R3HDM1: variants seen among roughly 807,000 people sequenced by gnomAD.
The protein encoded by R3HDM1 is R3H domain-containing protein 1.
R3HDM1 carries 46 observed loss-of-function variants against 141.1 expected under a neutral mutation model. The observed-to-expected ratio is 0.33, with a 90% CI of 0.26 to 0.42. R3HDM1 has a LOEUF of 0.42. Ranked by LOEUF, R3HDM1 falls within the 10% of genes least tolerant of loss-of-function variation. R3HDM1 has a pLI of 1.00. For synonymous variants in R3HDM1, 435 were observed against 472.9 expected (o/e 0.92, Z 1.04); for missense variants, 1,184 against 1,368.3 (o/e 0.87, Z 2.12).
chr2:135,686,629 C>T (rs976670696), intron 21 of R3HDM1, among the ~76,000 whole-genome samples: 2 of 152,172 alleles, frequency 1.3e-5, no homozygotes, highest in Admixed American at 1.3e-4. Context: ...CTAGTCTACT[C>T]AGGAAACTGA....
At chr2:135,676,152 C>G (rs183254484) in intron 20 of R3HDM1, among the ~76,000 whole-genome samples, 4 of 151,644 alleles carry the variant, frequency 2.6e-5, no homozygotes, top group African/African-American at 9.7e-5. Context: ...ATTGTGAAAC[C>G]CTGTTTCTAC....
intron 1 of R3HDM1, among the ~76,000 whole-genome samples, chr2:135,537,977 A>T (rs1035898571): frequency 7.9e-5 from 12 of 152,204 alleles, no homozygotes; most frequent in African/African-American, 1.9e-4. Context: ...ATGCTGCCTT[A>T]AAAAAGGAAC....
chr2:135,695,061 C>A (rs1039474341), intron 21 of R3HDM1, among the ~76,000 whole-genome samples: 6 of 152,106 alleles, frequency 3.9e-5, no homozygotes, highest in Non-Finnish European at 8.8e-5. Flanking sequence ...TGCCCGCCCC[C>A]CAAAAGCATT....
At chr2:135,569,626 A>G (rs917993216) in intron 1 of R3HDM1, among the ~76,000 whole-genome samples, 48 of 152,194 alleles carry the variant, frequency 3.2e-4, no homozygotes, top group African/African-American at 9.6e-4. Flanking sequence ...TAGTTAACCT[A>G]TCTGTCTCAG....
intron 1 of R3HDM1, among the ~76,000 whole-genome samples, chr2:135,537,301 T>C (rs897350915): frequency 3.5e-5 from 5 of 143,346 alleles, no homozygotes; most frequent in South Asian, 2.2e-4. Context: ...TTTTTTTTTT[T>C]TTGAGATGAA....
intron 19 of R3HDM1, chr2:135,670,362 A>G (rs2068156408): frequency 1.0e-6 from 1 of 980,654 alleles, no homozygotes; most frequent in South Asian, 4.7e-5. Context: ...TTAGCTACTC[A>G]ACACATGCCT....
chr2:135,581,372 T>C (rs2105029740), intron 1 of R3HDM1: 2 of 985,104 alleles, frequency 2.0e-6, no homozygotes, highest in African/African-American at 3.5e-5. Context: ...TCACTTTACC[T>C]TTAACGGTCT....
chr2:135,577,312 G>A (rs978491864), intron 1 of R3HDM1: 2 of 654,766 alleles, frequency 3.1e-6, no homozygotes, highest in Admixed American at 6.9e-5. Flanking sequence ...ATATACCTTA[G>A]CCAAAAGGCC....
At chr2:135,703,187 T>G (rs1422158589) in intron 21 of R3HDM1, among the ~76,000 whole-genome samples, 1 of 152,240 alleles carries the variant, frequency 6.6e-6, no homozygotes. Context: ...CAAATACTTG[T>G]TTAAGTACTT....
At chr2:135,661,647 T>A (rs1205998602) in intron 19 of R3HDM1, among the ~76,000 whole-genome samples, 1 of 152,242 alleles carries the variant, frequency 6.6e-6, no homozygotes, top group Admixed American at 6.5e-5. Context: ...GTTAAGTGGC[T>A]GCCATCTCTT....
In R3HDM1 at chr2:135,635,864, CTTTGTT is replaced by C. The variant is rs745775663; in HGVS notation, c.699-10_699-5del. ...TATTGTTCATTATCTTTTCCTGTTCCTTTGTTTTTGTTTTTGTTTTTTAAGACCTGA... is the reference window on the plus strand; with the variant it reads ...TATTGTTCATTATCTTTTCCTGTTCCTTTGTTTTTGTTTTTTAAGACCTGA... On this transcript the variant is annotated intron_variant, in intron 9 of 26. Transcript: ENST00000683871. 8.4e-6 allele frequency: 13 copies of C among 1,554,044 alleles called. No individual in the cohort carries two copies. Among genetic ancestry groups the C allele is most frequent in the African/African-American group, 1.4e-5 (1 of 72,088 alleles).
At chr2:135,537,889 G>T (rs901440776) in intron 1 of R3HDM1, among the ~76,000 whole-genome samples, 1 of 151,960 alleles carries the variant, frequency 6.6e-6, no homozygotes. Context: ...GTATCTGTTT[G>T]TTTTTTACTG....
chr2:135,570,126 G>T (rs1703782111), intron 1 of R3HDM1, among the ~76,000 whole-genome samples: 1 of 152,160 alleles, frequency 6.6e-6, no homozygotes, highest in African/African-American at 2.4e-5. Context: ...ATTAACTATT[G>T]ATTGTAAACA....
At chr2:135,633,557 TCAGA>T (rs1299380397) in intron 9 of R3HDM1, among the ~76,000 whole-genome samples, 4 of 152,214 alleles carry the variant, frequency 2.6e-5, no homozygotes, top group South Asian at 2.1e-4. Flanking sequence ...ATAATTATAA[TCAGA>T]CAGTTCAAAT....
chr2:135,581,210 T>C, intron 1 of R3HDM1: 1 of 985,424 alleles, frequency 1.0e-6, no homozygotes. Context: ...GTAGTGAGGA[T>C]GGAGCCCAGA....
At chr2:135,660,693 A>G (rs2066579740) in intron 18 of R3HDM1, among the ~76,000 whole-genome samples, 1 of 152,048 alleles carries the variant, frequency 6.6e-6, no homozygotes, top group Non-Finnish European at 1.5e-5. Flanking sequence ...TGAAAATACA[A>G]AAATTAGCTG....
At chr2:135,640,179 G>A (rs949565032) in intron 14 of R3HDM1, among the ~76,000 whole-genome samples, 3 of 152,106 alleles carry the variant, frequency 2.0e-5, no homozygotes, top group South Asian at 4.2e-4. Flanking sequence ...TATTGTACAC[G>A]TAAGAATTGA....
In R3HDM1 at chr2:135,604,820, G is replaced by A. The variant is rs776260364; in HGVS notation, c.-26G>A. The A allele has an allele frequency of 2.5e-6, 4 of 1,607,370 alleles. No individual in the cohort carries two copies. Among genetic ancestry groups the A allele is most frequent in the African/African-American group, 1.3e-5 (1 of 74,746 alleles). ...TTTTTCTTAAGGCTTCAAGCTCCCT[G>A]TAGAATTCGAAAATAACCTTTTCTA... On this transcript the variant is annotated 5_prime_UTR_variant, in exon 3 of 27. Transcript: ENST00000683871.
chr2:135,566,291 T>G (rs1314049438), intron 1 of R3HDM1, among the ~76,000 whole-genome samples: 1 of 152,194 alleles, frequency 6.6e-6, no homozygotes, highest in Admixed American at 6.5e-5. Context: ...GGGAGTTTTT[T>G]GCTTTAAAAA....
Sources: gnomAD v4.1 joint callset for allele counts (sites outside exome capture counted in the v4.1 genomes callset) on GRCh38, gnomAD v4.1.1 for gene constraint, MANE v1.5 for transcripts, NCBI Gene and HGNC (gene_info 2026-07-23, HGNC 2026-07-21) for gene names.